The following ADGRB3 variants were observed in gnomAD, a reference collection of about 807,000 sequenced individuals.
The protein encoded by ADGRB3 is adhesion G protein-coupled receptor B3.
In ADGRB3, 37 loss-of-function variants were observed where a neutral mutation model predicts 193.4. The observed-to-expected ratio is 0.19, with a 90% CI of 0.15 to 0.25. The LOEUF (loss-of-function observed/expected upper bound fraction) is 0.25. Among genes scored for constraint, ADGRB3 ranks in the 10% least tolerant of loss-of-function variants. The pLI is 1.00. For synonymous variants in ADGRB3, 690 were observed against 644.2 expected (o/e 1.07, Z -1.08); for missense variants, 1,637 against 1,852.9 (o/e 0.88, Z 2.14).
At chr6:69,233,459 G>A (rs1330743835) in intron 18 of ADGRB3, 43 bp downstream of exon 18, 1 of 1,610,922 alleles carries the variant, frequency 6.2e-7, no homozygotes, top group African/African-American at 1.3e-5. Flanking sequence ...CAAAGACAGG[G>A]ATATTGTGGC....
chr6:69,389,000 CT>C lies in ADGRB3; in HGVS notation c.*111del. ...CAGTGTGACTATCTTATGTCAGGAC[CT>C]TCATGTGCCAAACGTCAGTGGTGTT... is the stretch of plus-strand genomic sequence containing the variant. On this transcript the variant is annotated 3_prime_UTR_variant, in exon 32 of 32. Transcript: ENST00000370598. The C allele has an allele frequency of 3.6e-6, 4 of 1,105,928 alleles. No homozygotes were observed. 68.5% of individuals were successfully genotyped at this position (1,105,928 alleles called of 1,614,324 possible).
chr6:69,366,951 A>G (rs1769583441), intron 29 of ADGRB3, among the ~76,000 whole-genome samples: 1 of 152,106 alleles, frequency 6.6e-6, no homozygotes, highest in Non-Finnish European at 1.5e-5. Flanking sequence ...AATACACCCT[A>G]TGGCAGAGAC....
intron 16 of ADGRB3, among the ~76,000 whole-genome samples, chr6:69,070,349 A>G (rs1772044586): frequency 6.6e-6 from 1 of 152,186 alleles, no homozygotes; most frequent in African/African-American, 2.4e-5. Flanking sequence ...GTTTACAAAT[A>G]ATAATTGTAT....
At chr6:68,733,677 C>A (rs1765818221) in intron 3 of ADGRB3, among the ~76,000 whole-genome samples, 1 of 150,350 alleles carries the variant, frequency 6.7e-6, no homozygotes. Context: ...GTTTGGAGGG[C>A]AGTGAGGATG....
At chr6:68,807,817 G>A (rs1391919127) in intron 3 of ADGRB3, among the ~76,000 whole-genome samples, 2 of 152,042 alleles carry the variant, frequency 1.3e-5, no homozygotes, top group Admixed American at 6.5e-5. Context: ...GAACCACAGA[G>A]AATAGCTCAG....
intron 8 of ADGRB3, among the ~76,000 whole-genome samples, chr6:68,957,499 A>C (rs761276023): frequency 1.3e-5 from 2 of 152,208 alleles, no homozygotes; most frequent in Non-Finnish European, 2.9e-5. Context: ...AGTATACTAA[A>C]GATGTGATAG....
At chr6:68,751,193 T>A (rs1278140869) in intron 3 of ADGRB3, among the ~76,000 whole-genome samples, 2 of 152,216 alleles carry the variant, frequency 1.3e-5, no homozygotes, top group Non-Finnish European at 2.9e-5. Context: ...TTTCTAGATA[T>A]AACTGCTCTC....
chr6:69,242,763 A>G (rs944692942), intron 20 of ADGRB3, among the ~76,000 whole-genome samples: 3 of 151,914 alleles, frequency 2.0e-5, no homozygotes, highest in Admixed American at 2.0e-4. Context: ...CCACTTCATT[A>G]TATTTTGAGT....
At chr6:69,327,465 T>G (rs1301669836) in intron 21 of ADGRB3, among the ~76,000 whole-genome samples, 1 of 152,146 alleles carries the variant, frequency 6.6e-6, no homozygotes, top group African/African-American at 2.4e-5. Context: ...GAACATCCAG[T>G]TTTTGCCTTT....
intron 3 of ADGRB3, among the ~76,000 whole-genome samples, chr6:68,719,640 A>T (rs573279148): frequency 6.6e-4 from 100 of 151,810 alleles, no homozygotes; most frequent in Middle Eastern, 3.4e-3. Flanking sequence ...GAAATTAGAA[A>T]CCAGTTCCAA....
intron 3 of ADGRB3, among the ~76,000 whole-genome samples, chr6:68,723,743 A>G (rs930727728): frequency 4.0e-5 from 6 of 151,732 alleles, no homozygotes; most frequent in Admixed American, 1.3e-4. Flanking sequence ...TTCAATACCT[A>G]TTGCCTCACA....
intron 3 of ADGRB3, among the ~76,000 whole-genome samples, chr6:68,740,767 G>GT (rs1240923578): frequency 6.6e-6 from 1 of 152,162 alleles, no homozygotes; most frequent in Non-Finnish European, 1.5e-5. Context: ...TACCTTTGGT[G>GT]TATCTATAGA....
rs1270744200 is a variant in ADGRB3, at chr6:68,661,400, CAT to C, written c.757+21975_757+21976del. On this transcript the variant is annotated intron_variant, in intron 3 of 31. Coordinates refer to ENST00000370598, the MANE Select transcript of ADGRB3 (RefSeq NM_001704.3). The stretch of plus-strand genomic sequence containing the variant: ...GTATACATATATATATGTGTGTATA[CAT>C]ATATATGTGTGTGTATATATATGTG... 2.6e-4 allele frequency among the ~76,000 whole-genome samples: 8 copies of C among 30,956 alleles called. No homozygotes were observed. The East Asian group carries it at 3.2e-3, about 13-fold the overall frequency. The allele number at this position is 30,956 out of a possible 152,430, so 20.3% of individuals were successfully genotyped here. A position where few individuals can be genotyped will look rare whatever the true frequency, so the allele number is the denominator to read the frequency against.
intron 3 of ADGRB3, among the ~76,000 whole-genome samples, chr6:68,649,628 T>C (rs377294250): frequency 6.6e-6 from 1 of 152,166 alleles, no homozygotes; most frequent in Non-Finnish European, 1.5e-5. Flanking sequence ...AACTTCAGAG[T>C]CTGTATAGAT....
At chr6:69,246,191 G>A (rs566878615) in intron 20 of ADGRB3, among the ~76,000 whole-genome samples, 171 of 152,164 alleles carry the variant, frequency 1.1e-3, no homozygotes, top group Middle Eastern at 6.8e-3. Context: ...AGAAATGTGC[G>A]TAGTTACAAT....
At chr6:69,328,079 G>C (rs1250654564) in intron 22 of ADGRB3, among the ~76,000 whole-genome samples, 190 bp downstream of exon 22, 1 of 152,150 alleles carries the variant, frequency 6.6e-6, no homozygotes, top group Admixed American at 6.6e-5. Flanking sequence ...GCACTATTCA[G>C]AATCTTTGTT....
At chr6:69,101,452 G>GTGTGTGTGTGTGTT (rs1554262212) in intron 17 of ADGRB3, among the ~76,000 whole-genome samples, 1 of 151,654 alleles carries the variant, frequency 6.6e-6, no homozygotes, top group Non-Finnish European at 1.5e-5. Flanking sequence ...GTGTGTGTGT[G>GTGTGTGTGTGTGTT]TGTGTGTGTA....
At chr6:68,733,945 G>A (rs1765824988) in intron 3 of ADGRB3, among the ~76,000 whole-genome samples, 1 of 151,746 alleles carries the variant, frequency 6.6e-6, no homozygotes, top group East Asian at 1.9e-4. Context: ...CACATTGCAT[G>A]CCTGTATCAA....
At chr6:69,124,387 C>G (rs141421740) in intron 17 of ADGRB3, among the ~76,000 whole-genome samples, 4 of 152,048 alleles carry the variant, frequency 2.6e-5, no homozygotes, top group Non-Finnish European at 5.9e-5. Context: ...ACATATTTAT[C>G]TTTTTCTGCA....
Sources: allele counts gnomAD v4.1 joint callset (sites outside exome capture counted in the v4.1 genomes callset), GRCh38; gene constraint gnomAD v4.1.1; transcripts MANE v1.5; gene names NCBI Gene and HGNC (gene_info 2026-07-23, HGNC 2026-07-21).